Variants in NOTCH2 observed in about 807,000 individuals in gnomAD.
NOTCH2 encodes notch receptor 2.
NOTCH2 carries 29 observed loss-of-function variants against 235.8 expected under a neutral mutation model. The observed-to-expected ratio is 0.12, with a 90% CI of 0.09 to 0.17. The LOEUF (loss-of-function observed/expected upper bound fraction) is 0.17. Among genes scored for constraint, NOTCH2 ranks in the 10% least tolerant of loss-of-function variants. NOTCH2 has a pLI of 1.00. For missense variants in NOTCH2, 2,285 were observed against 3,150.2 expected, an observed-to-expected ratio of 0.73 and a Z score of 6.57; for synonymous variants, 1,086 against 1,141.5, an observed-to-expected ratio of 0.95 and a Z score of 0.98.
At chr1:119,971,202 T>G (rs926715521) in intron 5 of NOTCH2, among the ~76,000 whole-genome samples, 2 of 152,258 alleles carry the variant, frequency 1.3e-5, no homozygotes. Context: ...ACTACTTGGC[T>G]GCAGTTTAGA....
chr1:119,935,535 T>G lies in NOTCH2; in HGVS notation c.3592A>C (p.Asn1198His), dbSNP rs782464391. ...VDECQNQPCQ[N>H]GGTCIDLVNH... ...ACAAGGTCAATACAGGTGCCTCCAT[T>G]CTGGCAGGGCTGATTCTGGCACTCA... Residue 1198 changes from asparagine (N) to histidine (H), a missense_variant, in exon 22 of 34, where the codon AAT (asparagine) becomes CAT (histidine). Transcript: ENST00000256646. 1.9e-6 allele frequency: 3 copies of G among 1,614,102 alleles called. No homozygotes were observed. The African/African-American group carries it at 4.0e-5, about 22-fold the overall frequency.
rs1553204372 is a variant in NOTCH2, at chr1:119,997,332, C to T, written c.416G>A (p.Gly139Asp). Residue 139 changes from glycine to aspartate, a missense_variant and splice_region_variant, in exon 4 of 34, where the codon GGT becomes GAT. Coordinates refer to ENST00000256646, the MANE Select transcript of NOTCH2 (RefSeq NM_024408.4). ...YECTCQVGFT[G>D]KECQWTDACL... ...GGCATCCGTCCATTGGCACTCCTTA[C>T]CTAAAGGAAGGATAACAAAACTCAG... The T allele has an allele frequency of 6.2e-7, 1 of 1,613,744 alleles. No homozygotes were observed. The highest frequency in any genetic ancestry group is 8.5e-7 in the Non-Finnish European group (1 of 1,179,828).
At chr1:120,029,304 C>A (rs1372182120) in intron 2 of NOTCH2, among the ~76,000 whole-genome samples, 1 of 151,232 alleles carries the variant, frequency 6.6e-6, no homozygotes, top group African/African-American at 2.4e-5. Flanking sequence ...TAAGAGTATG[C>A]CTTAATCTGA....
chr1:119,943,768 T>C (rs1301026907), intron 17 of NOTCH2, among the ~76,000 whole-genome samples: 1 of 151,890 alleles, frequency 6.6e-6, no homozygotes, highest in African/African-American at 2.4e-5. Context: ...GGTAGAAAAG[T>C]AGGTAAGGAC....
At chr1:119,974,741 G>C (rs1651502036) in intron 5 of NOTCH2, among the ~76,000 whole-genome samples, 1 of 152,180 alleles carries the variant, frequency 6.6e-6, no homozygotes, top group Non-Finnish European at 1.5e-5. Context: ...CTTATCAATA[G>C]AGTAGGTCTC....
At chr1:119,932,255 T>C (rs1011118008) in intron 22 of NOTCH2, among the ~76,000 whole-genome samples, 3 of 152,100 alleles carry the variant, frequency 2.0e-5, no homozygotes, top group Admixed American at 2.0e-4. Flanking sequence ...TAAAATATGG[T>C]ATGCCTGTAA....
At chr1:119,939,381 T>C (rs1322085635) in intron 19 of NOTCH2, among the ~76,000 whole-genome samples, 6 of 152,240 alleles carry the variant, frequency 3.9e-5, no homozygotes, top group African/African-American at 1.4e-4. Flanking sequence ...CCTACATGTA[T>C]AGCCACCCTG....
rs782556856 is a variant in NOTCH2 at position 119,941,611 on chromosome 1, C to G, written c.2896G>C (p.Asp966His). 2.5e-6 allele frequency: 4 copies of G among 1,614,174 alleles called. No individual in the cohort carries two copies. Among genetic ancestry groups the G allele is most frequent in the Non-Finnish European group, 3.4e-6 (4 of 1,180,028 alleles). Residue 966 changes from aspartate to histidine, a missense_variant, in exon 18 of 34, where the codon GAC becomes CAC. Around this residue, in one of 6 missense-constraint regions of NOTCH2, gnomAD observed 1,173 missense variants for 1,515.3 expected, o/e 0.77. Transcript: ENST00000256646. ...EPCKNGGTCS[D>H]YVNSYTCKCQ... ...TTGCAAGTGTAACTGTTGACGTAGT[C>G]AGAGCAGGTCCCTCCATTCTTACAG...
rs782178170 is a variant in NOTCH2, at chr1:119,968,207, T to C, written c.1134A>G (p.Ala378=). ...KAGLLCHLDD[A]CISNPCHKGA... ...CCTTGTGGCAAGGATTGCTGATGCATGCATCATCCAGATGACACAGGAGAC... is the reference window on the plus strand; with the variant it reads ...CCTTGTGGCAAGGATTGCTGATGCACGCATCATCCAGATGACACAGGAGAC... Residue 378 remains alanine, a synonymous_variant, in exon 7 of 34, where the codon GCA becomes GCG. Transcript: ENST00000256646. The C allele has an allele frequency of 1.2e-5, 19 of 1,613,876 alleles. No individual in the cohort carries two copies. In the Admixed American group the frequency reaches 3.2e-4, roughly 27 times the overall value.
intron 21 of NOTCH2, among the ~76,000 whole-genome samples, chr1:119,936,990 T>C (rs1346663497): frequency 6.6e-6 from 1 of 152,122 alleles, no homozygotes; most frequent in African/African-American, 2.4e-5. Context: ...GACTGCTATG[T>C]TGGGTGGGCC....
Position 119,929,013 on chromosome 1 carries a change from G to A in NOTCH2, c.3855C>T (p.Thr1285=), listed in dbSNP as rs782605418. ...SEGSLDCIQL[T]NDYLCVCRSA... The stretch of plus-strand genomic sequence containing the variant: ...TACGGCAAACACACAGGTAGTCATT[G>A]GTGAGCTGTATACAGTCCAGGCTGC... The change falls in exon 23 of 34, where the codon ACC becomes ACT. Residue 1285 remains threonine, a synonymous_variant. Coordinates refer to ENST00000256646, the MANE Select transcript of NOTCH2 (RefSeq NM_024408.4). 2 of 1,614,158 alleles carry A rather than the reference G, an allele frequency of 1.2e-6. No individual in the cohort carries two copies. Among genetic ancestry groups the A allele is most frequent in the South Asian group, 2.2e-5 (2 of 91,080 alleles).
rs1649624890 is a variant in NOTCH2, at chr1:119,930,766, A to C, written c.3656-1554T>G. ...TGCACTCCAGCCTGGGCAACAGAGC[A>C]AGACTCTGTCTCAAAAAATAATAAT... On this transcript the variant is annotated intron_variant, in intron 22 of 33. Transcript: ENST00000256646. Among the ~76,000 whole-genome samples the C allele has an allele frequency of 2.0e-5, 3 of 150,984 alleles. No individual in the cohort carries two copies. The South Asian group carries it at 6.3e-4, about 32-fold the overall frequency.
chr1:119,999,935 GAA>G (rs1652655894), intron 3 of NOTCH2, among the ~76,000 whole-genome samples: 2 of 96,080 alleles, frequency 2.1e-5, no homozygotes, highest in Non-Finnish European at 3.9e-5. Context: ...AAGAAAGAAA[GAA>G]AGAAAGAAAG....
At chr1:119,953,758 G>T in intron 13 of NOTCH2, 70 bp from the exon 14 acceptor site, 1 of 1,369,774 alleles carries the variant, frequency 7.3e-7, no homozygotes, top group South Asian at 1.2e-5. Context: ...TGAAATACAG[G>T]ACTTGGTGAA....
intron 13 of NOTCH2, among the ~76,000 whole-genome samples, 184 bp downstream of exon 13, chr1:119,954,856 G>T (rs781998144): frequency 5.3e-5 from 8 of 152,202 alleles, no homozygotes; most frequent in Non-Finnish European, 8.8e-5. Flanking sequence ...CCTCACTTAT[G>T]GAAGGGAGGG....
intron 4 of NOTCH2, among the ~76,000 whole-genome samples, chr1:119,989,559 C>T (rs1652150814): frequency 6.6e-6 from 1 of 151,918 alleles, no homozygotes; most frequent in Non-Finnish European, 1.5e-5. Flanking sequence ...CAGAAAATAT[C>T]TGCAAATCAT....
intron 22 of NOTCH2, among the ~76,000 whole-genome samples, chr1:119,931,041 T>C (rs1252444385): frequency 6.7e-5 from 10 of 148,228 alleles, no homozygotes; most frequent in African/African-American, 2.5e-4. Context: ...AGGTGGAGCT[T>C]GCAGTAAGCC....
chr1:119,915,003 G>C lies in NOTCH2; in HGVS notation c.*303C>G, dbSNP rs587726066. 3.4e-5 allele frequency: 16 copies of C among 471,468 alleles called. No individual in the cohort carries two copies. Among genetic ancestry groups the C allele is most frequent in the African/African-American group, 3.1e-4 (16 of 51,902 alleles). The allele number at this position is 471,468 out of a possible 1,614,324, so 29.2% of individuals were successfully genotyped here. A position where few individuals can be genotyped will look rare whatever the true frequency, so the allele number is the denominator to read the frequency against. ...CAGTCCAAGCTGCAAGAATGTCTGG[G>C]CTTCAATAAGCATCCATCTTATTCT... On this transcript the variant is annotated 3_prime_UTR_variant, in exon 34 of 34. Coordinates refer to ENST00000256646, the MANE Select transcript of NOTCH2 (RefSeq NM_024408.4).
chr1:119,959,424 C>T lies in NOTCH2; in HGVS notation c.1994G>A (p.Arg665His), dbSNP rs189684879. 1.2e-5 allele frequency: 19 copies of T among 1,609,818 alleles called. No individual in the cohort carries two copies. The highest frequency in any genetic ancestry group is 8.9e-5 in the East Asian group (4 of 44,842). The change falls in exon 12 of 34, where the codon CGC (arginine) becomes CAC (histidine). Residue 665 changes from arginine (R) to histidine (H), a missense_variant. Around this residue, in one of 6 missense-constraint regions of NOTCH2, gnomAD observed 431 missense variants for 757.8 expected, o/e 0.57. Transcript: ENST00000256646. ...TCCTGGTGAGCAGACACAACTGTAG[C>T]GATTAATGCCATCCATACAGATTCC... Reference protein sequence around the residue: ...IHGICMDGINRYSCVCSPGFT... With the variant: ...IHGICMDGINHYSCVCSPGFT...
Sources: gnomAD v4.1 joint callset for allele counts (sites outside exome capture counted in the v4.1 genomes callset) on GRCh38, gnomAD v4.1.1 for gene constraint, gnomAD v4.1.1 regional missense constraint, MANE v1.5 for transcripts, NCBI Gene and HGNC (gene_info 2026-07-23, HGNC 2026-07-21) for gene names.